Variants in RSRP1 observed in about 807,000 individuals in gnomAD.
RSRP1 encodes arginine and serine rich protein 1.
Under a neutral mutation model 33.0 loss-of-function variants are expected in RSRP1, and 37 were observed. That is an observed-to-expected ratio of 1.12 (90% CI 0.86 to 1.48). The LOEUF (loss-of-function observed/expected upper bound fraction) is 1.48, where lower values mean the gene tolerates loss of function less well. RSRP1 is among the 40% of genes most tolerant of loss of function. The pLI is 0.00. For missense variants in RSRP1, 402 were observed against 385.3 expected (o/e 1.04, Z -0.36); for synonymous variants, 167 against 158.7 (o/e 1.05, Z -0.40).
At chr1:25,257,553 G>T (rs549476570) in intron 1 of RSRP1, among the ~76,000 whole-genome samples, 1 of 151,778 alleles carries the variant, frequency 6.6e-6, no homozygotes, top group South Asian at 2.1e-4. Flanking sequence ...CTAGAGCAAA[G>T]GGTTTATTGT....
intron 1 of RSRP1, among the ~76,000 whole-genome samples, chr1:25,277,963 C>T (rs1418787954): frequency 2.3e-5 from 3 of 132,806 alleles, no homozygotes; most frequent in African/African-American, 7.7e-5. Context: ...CGTGAGCCAC[C>T]GCGCCTGGCC....
At chr1:25,256,899 G>A (rs139213877) in intron 1 of RSRP1, among the ~76,000 whole-genome samples, 55 of 152,248 alleles carry the variant, frequency 3.6e-4, no homozygotes, top group South Asian at 8.3e-4. Flanking sequence ...TCTTTATGGC[G>A]TGTCAAGTTA....
In RSRP1 at chr1:25,322,826, G is replaced by T. The variant is rs2124163538; in HGVS notation, c.-67+15152C>A. Among the ~76,000 whole-genome samples the T allele has an allele frequency of 2.4e-5, 3 of 126,614 alleles. 1 individual carries two copies. The highest frequency in any genetic ancestry group is 2.3e-4 in the Admixed American group (3 of 12,884). The allele number at this position is 126,614 out of a possible 152,430, so 83.1% of individuals were successfully genotyped here. A position where few individuals can be genotyped will look rare whatever the true frequency, so the allele number is the denominator to read the frequency against. ...AAATTCTCTCGGCCCCAAAGAAGGGGCTAGATTTTCTTTTATACCTTGGTT... is the reference window on the plus strand; with the variant it reads ...AAATTCTCTCGGCCCCAAAGAAGGGTCTAGATTTTCTTTTATACCTTGGTT... On this transcript the variant is annotated intron_variant, in intron 1 of 1. Transcript: ENST00000561867.
chr1:25,306,910 T>C (rs1643883021), intron 1 of RSRP1: 1 of 668,040 alleles, frequency 1.5e-6, no homozygotes, highest in African/African-American at 1.8e-5. Flanking sequence ...GATGGATTTA[T>C]CACCTCTCCA....
chr1:25,306,436 A>T (rs1385933026), intron 1 of RSRP1, among the ~76,000 whole-genome samples: 8 of 131,786 alleles, frequency 6.1e-5, no homozygotes, highest in African/African-American at 1.8e-4. Flanking sequence ...AAACTCCCCG[A>T]TGATGTGAGT....
chr1:25,321,498 T>TAAA (rs1214598540), intron 1 of RSRP1, among the ~76,000 whole-genome samples: 2 of 76,330 alleles, frequency 2.6e-5, no homozygotes, highest in Non-Finnish European at 6.0e-5. Flanking sequence ...CCATCTCTAC[T>TAAA]AAAAAAAAAA....
upstream of RSRP1, chr1:25,247,757 G>A (rs1306733309): frequency 1.3e-5 from 2 of 152,408 alleles, no homozygotes; most frequent in East Asian, 3.8e-4. Flanking sequence ...GCCCCGCGTG[G>A]GGCTACACCA....
At chr1:25,310,330 T>C (rs1644074165) in intron 1 of RSRP1, among the ~76,000 whole-genome samples, 1 of 132,944 alleles carries the variant, frequency 7.5e-6, no homozygotes, top group African/African-American at 2.5e-5. Flanking sequence ...TGGTGACTTA[T>C]AAGAAGAGAA....
chr1:25,263,965 T>G (rs1640238734), intron 1 of RSRP1, among the ~76,000 whole-genome samples: 1 of 152,006 alleles, frequency 6.6e-6, no homozygotes, highest in South Asian at 2.1e-4. Flanking sequence ...AGTCAAATCT[T>G]AAAGCTCCAA....
At position 25,278,426 on chromosome 1, in the gene RSRP1, C is replaced by T. The variant is rs185459546; in HGVS notation, c.-66-31397G>A. ...AAACTTAGTGGCTTAAAATAGTAAC[C>T]TTTTAATTTACTCATGATCATGATT... On this transcript the variant is annotated intron_variant, in intron 1 of 1. Transcript: ENST00000561867. 2.3e-5 allele frequency among the ~76,000 whole-genome samples: 3 copies of T among 131,286 alleles called. No homozygotes were observed. The East Asian group carries it at 5.9e-4, about 26-fold the overall frequency. 86.1% of individuals were successfully genotyped at this position (131,286 alleles called of 152,430 possible). A position where few individuals can be genotyped will look rare whatever the true frequency, so the allele number is the denominator to read the frequency against.
chr1:25,301,094 G>T lies in RSRP1; in HGVS notation c.-67+36884C>A, dbSNP rs751341830. 1.2e-5 allele frequency: 17 copies of T among 1,375,866 alleles called. 4 individuals are homozygous for T. Among genetic ancestry groups the T allele is most frequent in the Admixed American group, 3.6e-5 (2 of 56,026 alleles). 85.2% of individuals were successfully genotyped at this position (1,375,866 alleles called of 1,614,324 possible). A position where few individuals can be genotyped will look rare whatever the true frequency, so the allele number is the denominator to read the frequency against. Reference sequence around the variant, plus strand: ...ATACCCAGTTTGTCTGCCATGCTGGGTAAGGACAAGGTGGGGTGAGTGGTC... The same window carrying T: ...ATACCCAGTTTGTCTGCCATGCTGGTTAAGGACAAGGTGGGGTGAGTGGTC... On this transcript the variant is annotated intron_variant, in intron 1 of 1. Coordinates refer to the RSRP1 transcript ENST00000561867.
chr1:25,262,697 CG>C (rs1557500685), intron 1 of RSRP1, among the ~76,000 whole-genome samples: 1 of 152,134 alleles, frequency 6.6e-6, no homozygotes, highest in Non-Finnish European at 1.5e-5. Flanking sequence ...CCAGCGGTGA[CG>C]GAAAGGCTGA....
chr1:25,322,335 C>A (rs1247774501), intron 1 of RSRP1, among the ~76,000 whole-genome samples: 2 of 132,572 alleles, frequency 1.5e-5, no homozygotes, highest in Non-Finnish European at 3.6e-5. Context: ...TGGAGTCCAA[C>A]CCCTTTTTTG....
At chr1:25,261,702 CAG>C (rs1202368870) in intron 1 of RSRP1, among the ~76,000 whole-genome samples, 2 of 141,674 alleles carry the variant, frequency 1.4e-5, no homozygotes, top group Non-Finnish European at 3.0e-5. Flanking sequence ...CCGCGCCCAG[CAG>C]ATTTTTTTTT....
At chr1:25,267,916 G>T (rs1640367657) in intron 1 of RSRP1, 1 of 132,784 alleles carries the variant, frequency 7.5e-6, no homozygotes, top group Admixed American at 7.2e-5. Flanking sequence ...ATGCGCAGAC[G>T]CGTTGTTGTG....
intron 1 of RSRP1, among the ~76,000 whole-genome samples, chr1:25,330,726 T>C (rs1291796453): frequency 2.3e-5 from 3 of 131,212 alleles, no homozygotes; most frequent in African/African-American, 2.6e-5. Context: ...TCCTTAAGCG[T>C]TGTATTAGTC....
intron 1 of RSRP1, among the ~76,000 whole-genome samples, chr1:25,262,387 A>C (rs1008027362): frequency 6.6e-6 from 1 of 152,240 alleles, no homozygotes. Flanking sequence ...TAATGGAAGA[A>C]ACAGAAAACA....
chr1:25,300,029 CA>C, intron 1 of RSRP1, among the ~76,000 whole-genome samples: 1 of 131,544 alleles, frequency 7.6e-6, no homozygotes, highest in East Asian at 2.0e-4. Context: ...GGATTACAGG[CA>C]AAATTAGAAT....
At chr1:25,249,155 AAATAAT>A (rs1256122151), upstream of RSRP1, among the ~76,000 whole-genome samples, 9 of 152,286 alleles carry the variant, frequency 5.9e-5, no homozygotes, top group East Asian at 1.9e-4. Flanking sequence ...GTCTGGAAAC[AAATAAT>A]AATAATAACA....
Sources: allele counts gnomAD v4.1 joint callset (sites outside exome capture counted in the v4.1 genomes callset), GRCh38; gene constraint gnomAD v4.1.1; transcripts MANE v1.5; gene names NCBI Gene and HGNC (gene_info 2026-07-23, HGNC 2026-07-21).